PIK3R1: variants seen among roughly 807,000 people sequenced by gnomAD.
The protein encoded by PIK3R1 is phosphoinositide-3-kinase regulatory subunit 1, also known as phosphatidylinositol 3-kinase regulatory subunit alpha.
PIK3R1 carries 29 observed loss-of-function variants against 98.0 expected under a neutral mutation model. The ratio of observed to expected loss-of-function variants is 0.30; its 90% confidence interval spans 0.22 to 0.40. PIK3R1 has a LOEUF of 0.40. Ranked by LOEUF, PIK3R1 falls within the 10% of genes least tolerant of loss-of-function variation. The pLI is 1.00. For missense variants in PIK3R1, 596 were observed against 872.7 expected (o/e 0.68, Z 3.99); for synonymous variants, 282 against 311.8 (o/e 0.90, Z 1.01).
At chr5:68,216,954 G>T (rs974495771) in intron 1 of PIK3R1, among the ~76,000 whole-genome samples, 1 of 152,108 alleles carries the variant, frequency 6.6e-6, no homozygotes, top group African/African-American at 2.4e-5. Context: ...GGGTTTGGGG[G>T]AATTCTTCTG....
chr5:68,259,277 T>G (rs927079877), intron 2 of PIK3R1, among the ~76,000 whole-genome samples: 3 of 152,240 alleles, frequency 2.0e-5, no homozygotes, highest in Non-Finnish European at 4.4e-5. Context: ...AAGATTAAAT[T>G]TCACCTTTTG....
chr5:68,279,043 T>G (rs1282671039), intron 4 of PIK3R1, among the ~76,000 whole-genome samples: 2 of 152,200 alleles, frequency 1.3e-5, no homozygotes, highest in African/African-American at 4.8e-5. Context: ...TTGTAGATGG[T>G]CACCTGCTCA....
rs547198803 is a variant in PIK3R1 at position 68,250,587 on chromosome 5, T to G, written c.335-22803T>G. On this transcript the variant is annotated intron_variant, in intron 2 of 15. Coordinates refer to ENST00000521381, the MANE Select transcript of PIK3R1 (RefSeq NM_181523.3). ...TTTGCAGTCATTGCCAATGTAGTCA[T>G]GCAAAATCACTTGAGTGAAATAGAC... Among the ~76,000 whole-genome samples, 15 of 152,342 alleles carry G rather than the reference T, an allele frequency of 9.8e-5. No individual in the cohort carries two copies. The South Asian group carries it at 3.1e-3, about 32-fold the overall frequency.
chr5:68,294,494 C>T (rs1561298934), intron 11 of PIK3R1, 42 bp from the exon 12 acceptor site: 1 of 1,497,028 alleles, frequency 6.7e-7, no homozygotes, highest in Admixed American at 1.9e-5. Context: ...AGAGATTGTT[C>T]TATGAAAGGT....
At chr5:68,253,001 T>A (rs761819205) in intron 2 of PIK3R1, among the ~76,000 whole-genome samples, 9 of 152,156 alleles carry the variant, frequency 5.9e-5, no homozygotes, top group Admixed American at 1.3e-4. Flanking sequence ...ATTGACTTTA[T>A]GTCTGGCTTA....
intron 15 of PIK3R1, 32 bp from the exon 16 acceptor site, chr5:68,297,380 T>C (rs952613939): frequency 6.4e-7 from 1 of 1,565,896 alleles, no homozygotes; most frequent in Non-Finnish European, 8.7e-7. Context: ...TTGGACAAGC[T>C]CAAAAGACAG....
intron 2 of PIK3R1, among the ~76,000 whole-genome samples, chr5:68,242,298 G>T (rs1019363480): frequency 6.6e-6 from 1 of 152,216 alleles, no homozygotes; most frequent in African/African-American, 2.4e-5. Flanking sequence ...TGGATCAAGT[G>T]TCTGAAGTTT....
At chr5:68,219,147 G>A (rs1369858788) in intron 1 of PIK3R1, among the ~76,000 whole-genome samples, 2 of 152,150 alleles carry the variant, frequency 1.3e-5, no homozygotes, top group East Asian at 1.9e-4. Flanking sequence ...TCCCCTAGGT[G>A]TTAGGTGTTT....
chr5:68,220,660 G>T lies in PIK3R1; in HGVS notation c.-387+4711G>T, dbSNP rs565842354. Among the ~76,000 whole-genome samples, 3 of 152,230 alleles carry T rather than the reference G, an allele frequency of 2.0e-5. No individual in the cohort carries two copies. The South Asian group carries it at 6.2e-4, about 32-fold the overall frequency. On this transcript the variant is annotated intron_variant, in intron 1 of 15. Transcript: ENST00000521381. Reference sequence around the variant, plus strand: ...GCCCCACAAACACAACACCAAAAGGGCTTGTAGGCGAGAATTACAGCCTAT... The same window carrying T: ...GCCCCACAAACACAACACCAAAAGGTCTTGTAGGCGAGAATTACAGCCTAT...
chr5:68,296,079 G>A, intron 14 of PIK3R1, 92 bp from the exon 15 acceptor site: 1 of 1,249,306 alleles, frequency 8.0e-7, no homozygotes, highest in Non-Finnish European at 1.1e-6. Context: ...GGGCCAGGAG[G>A]GAAGTGACGG....
intron 2 of PIK3R1, among the ~76,000 whole-genome samples, chr5:68,254,810 C>T (rs1745446380): frequency 2.0e-5 from 3 of 150,046 alleles, no homozygotes; most frequent in Middle Eastern, 3.2e-3. Flanking sequence ...GAGTAGATTG[C>T]ATCAGTACAG....
At chr5:68,265,035 A>G (rs1399318784) in intron 2 of PIK3R1, among the ~76,000 whole-genome samples, 1 of 152,128 alleles carries the variant, frequency 6.6e-6, no homozygotes, top group African/African-American at 2.4e-5. Context: ...TGTCTCCCAC[A>G]ATGGTCTGGA....
intron 4 of PIK3R1, among the ~76,000 whole-genome samples, chr5:68,275,497 C>T (rs1280741378): frequency 6.7e-6 from 1 of 148,242 alleles, no homozygotes; most frequent in African/African-American, 2.5e-5. Context: ...GTGATCAACA[C>T]AAAATGATGC....
chr5:68,288,276 C>T (rs1474889692), intron 7 of PIK3R1: 4 of 340,270 alleles, frequency 1.2e-5, no homozygotes, highest in Non-Finnish European at 1.8e-5. Context: ...ACTTGTCAGC[C>T]GATGACAACT....
At chr5:68,221,173 A>G (rs1053427665) in intron 1 of PIK3R1, among the ~76,000 whole-genome samples, 1 of 152,258 alleles carries the variant, frequency 6.6e-6, no homozygotes, top group African/African-American at 2.4e-5. Flanking sequence ...TCCAGCCTCC[A>G]GAACCAAATA....
chr5:68,223,739 G>C (rs750550111), intron 1 of PIK3R1, among the ~76,000 whole-genome samples: 2 of 152,178 alleles, frequency 1.3e-5, no homozygotes, highest in Non-Finnish European at 2.9e-5. Flanking sequence ...ATGTTCCTTA[G>C]GTTTCTATTT....
rs1437963902 is a variant in PIK3R1, at chr5:68,262,963, G to A, written c.335-10427G>A. 9.0e-5 allele frequency among the ~76,000 whole-genome samples: 4 copies of A among 44,584 alleles called. 2 individuals carry two copies. The highest frequency in any genetic ancestry group is 4.6e-4 in the African/African-American group (4 of 8,748). 29.2% of individuals were successfully genotyped at this position (44,584 alleles called of 152,430 possible). On this transcript the variant is annotated intron_variant, in intron 2 of 15. Coordinates refer to ENST00000521381, the MANE Select transcript of PIK3R1 (RefSeq NM_181523.3). Reference sequence around the variant, plus strand: ...TACATGTAGATACATGTAGATACATGTATACATATATACATGTAGATACAT... The same window carrying A: ...TACATGTAGATACATGTAGATACATATATACATATATACATGTAGATACAT...
Position 68,288,528 on chromosome 5 carries a change from C to CG in PIK3R1, c.917-3731_917-3730insG, listed in dbSNP as rs61443658. The CG allele has an allele frequency of 2.6e-4, 360 of 1,366,480 alleles. 1 individual carries two copies. The African/African-American group carries it at 4.3e-3, about 16-fold the overall frequency. 84.6% of individuals were successfully genotyped at this position (1,366,480 alleles called of 1,614,324 possible). ...GGCGGAGGGACGAGCCGAGCCGAGC[C>CG]AAGCGGAGCTGGGCCACTGTGCACG... is the stretch of plus-strand genomic sequence containing the variant. On this transcript the variant is annotated intron_variant, in intron 7 of 15. Coordinates refer to ENST00000521381, the MANE Select transcript of PIK3R1 (RefSeq NM_181523.3).
At chr5:68,293,019 C>CT in intron 8 of PIK3R1, 82 bp from the exon 9 acceptor site, 1 of 1,186,270 alleles carries the variant, frequency 8.4e-7, no homozygotes, top group Middle Eastern at 1.9e-4. Context: ...TAAAACTGCT[C>CT]TAAAAAATAG....
Sources: gnomAD v4.1 joint callset for allele counts (sites outside exome capture counted in the v4.1 genomes callset) on GRCh38, gnomAD v4.1.1 for gene constraint, MANE v1.5 for transcripts, NCBI Gene and HGNC (gene_info 2026-07-23, HGNC 2026-07-21) for gene names.